The following PGM5 variants were observed in gnomAD, a reference collection of about 807,000 sequenced individuals.
The protein encoded by PGM5 is phosphoglucomutase-like protein 5.
Under a neutral mutation model 59.2 loss-of-function variants are expected in PGM5, and 23 were observed. That is an observed-to-expected ratio of 0.39 (90% CI 0.28 to 0.55). PGM5 has a LOEUF of 0.55. PGM5 is among the 20% of genes least tolerant of loss of function. The pLI, the probability that PGM5 is intolerant of heterozygous loss-of-function variation, is 0.66. For missense variants in PGM5, 574 were observed against 748.3 expected, an observed-to-expected ratio of 0.77 and a Z score of 2.72; for synonymous variants, 214 against 286.0, an observed-to-expected ratio of 0.75 and a Z score of 2.54.
At chr9:68,502,536 C>T (rs1286865740) in intron 10 of PGM5, among the ~76,000 whole-genome samples, 1 of 152,174 alleles carries the variant, frequency 6.6e-6, no homozygotes, top group African/African-American at 2.4e-5. Flanking sequence ...AGGAAAATCA[C>T]AGACTGATAA....
chr9:68,406,674 A>ATATG (rs200815664), intron 6 of PGM5, among the ~76,000 whole-genome samples: 1 of 5,464 alleles, frequency 1.8e-4, no homozygotes, highest in African/African-American at 8.2e-4. Flanking sequence ...ATATATATAT[A>ATATG]TATGTATATA....
intron 6 of PGM5, among the ~76,000 whole-genome samples, chr9:68,423,680 T>A (rs1823186470): frequency 6.7e-6 from 1 of 150,342 alleles, no homozygotes; most frequent in African/African-American, 2.4e-5. Flanking sequence ...TCTCTCTCTC[T>A]CTGCCTCCCT....
At chr9:68,386,399 T>A (rs1443447721) in intron 3 of PGM5, among the ~76,000 whole-genome samples, 1 of 152,184 alleles carries the variant, frequency 6.6e-6, no homozygotes, top group Non-Finnish European at 1.5e-5. Flanking sequence ...TATATTTGAA[T>A]GAACACATAA....
Position 68,499,355 on chromosome 9 carries a change from G to A in PGM5, c.1608G>A (p.Glu536=). ...GGGATCCCAGCGGCCATGACCAGGA[G>A]CCACAGGTACAGAAACAGCTGTGCT... ...YERDPSGHDQ[E]PQAVLSPLIA... The change falls in exon 10 of 11, where the codon GAG becomes GAA. Residue 536 remains glutamate, a synonymous_variant. Transcript: ENST00000396396. 1 of 1,614,050 alleles carries A rather than the reference G, an allele frequency of 6.2e-7. No homozygotes were observed. The highest frequency in any genetic ancestry group is 1.1e-5 in the South Asian group (1 of 91,076).
chr9:68,485,668 C>T (rs1022021772), intron 9 of PGM5, among the ~76,000 whole-genome samples: 4 of 152,218 alleles, frequency 2.6e-5, no homozygotes, highest in African/African-American at 4.8e-5. Context: ...TTTCCCCCAA[C>T]CTCTTCTACA....
intron 9 of PGM5, among the ~76,000 whole-genome samples, chr9:68,492,479 A>G (rs182841630): frequency 1.8e-3 from 275 of 152,324 alleles, no homozygotes; most frequent in Non-Finnish European, 3.2e-3. Context: ...TTAGCCCCCA[A>G]GAAGGCTGGT....
At chr9:68,438,853 A>G (rs1554683511) in intron 6 of PGM5, among the ~76,000 whole-genome samples, 1 of 152,010 alleles carries the variant, frequency 6.6e-6, no homozygotes. Context: ...GAGGAGGGAG[A>G]GATTCCTCAT....
intron 10 of PGM5, among the ~76,000 whole-genome samples, chr9:68,504,211 C>T (rs1350857422): frequency 6.6e-6 from 1 of 152,206 alleles, no homozygotes; most frequent in Non-Finnish European, 1.5e-5. Context: ...TAGACATCAC[C>T]AACTTGACAT....
intron 8 of PGM5, among the ~76,000 whole-genome samples, chr9:68,482,337 T>G (rs989032153): frequency 5.9e-5 from 9 of 152,144 alleles, no homozygotes; most frequent in Non-Finnish European, 1.3e-4. Context: ...ACCTTTAAAG[T>G]GACTGCAGTC....
chr9:68,361,942 T>C (rs1267532711), intron 1 of PGM5, among the ~76,000 whole-genome samples: 1 of 151,986 alleles, frequency 6.6e-6, no homozygotes, highest in Non-Finnish European at 1.5e-5. Flanking sequence ...CTCTGTTATA[T>C]TCCCCCTTGG....
chr9:68,372,884 C>G (rs189420056), intron 1 of PGM5, among the ~76,000 whole-genome samples: 3 of 152,232 alleles, frequency 2.0e-5, no homozygotes, highest in Admixed American at 6.5e-5. Context: ...CATGTAAACT[C>G]AGAGCGAGAA....
At chr9:68,477,224 T>C (rs1554686748) in intron 7 of PGM5, among the ~76,000 whole-genome samples, 3 of 152,222 alleles carry the variant, frequency 2.0e-5, no homozygotes, top group African/African-American at 7.2e-5. Flanking sequence ...AACAGTGCCA[T>C]TAGCAGACCG....
At chr9:68,427,202 T>C (rs561973948) in intron 6 of PGM5, among the ~76,000 whole-genome samples, 6 of 152,174 alleles carry the variant, frequency 3.9e-5, no homozygotes, top group African/African-American at 1.4e-4. Context: ...TGAGAAGGGG[T>C]CCAAGAGTGG....
chr9:68,484,341 C>T (rs1311681079), intron 9 of PGM5, among the ~76,000 whole-genome samples: 3 of 145,416 alleles, frequency 2.1e-5, no homozygotes, highest in Non-Finnish European at 3.0e-5. Context: ...TCAAAACCAG[C>T]GTGGGCAACA....
At chr9:68,489,960 C>T (rs560563509) in intron 9 of PGM5, among the ~76,000 whole-genome samples, 4 of 152,088 alleles carry the variant, frequency 2.6e-5, no homozygotes, top group Admixed American at 6.5e-5. Flanking sequence ...TTGTCCTTAA[C>T]CTGGAAAAAA....
At chr9:68,461,054 G>C (rs1388878784) in intron 6 of PGM5, among the ~76,000 whole-genome samples, 1 of 152,130 alleles carries the variant, frequency 6.6e-6, no homozygotes, top group African/African-American at 2.4e-5. Context: ...ATATCCCCAA[G>C]ATGTATAACC....
At chr9:68,451,455 A>C (rs1823695164) in intron 6 of PGM5, among the ~76,000 whole-genome samples, 1 of 152,236 alleles carries the variant, frequency 6.6e-6, no homozygotes, top group South Asian at 2.1e-4. Context: ...TTTCAAAAGC[A>C]AAATTATAAA....
At chr9:68,422,085 A>T (rs1234782275) in intron 6 of PGM5, among the ~76,000 whole-genome samples, 3 of 151,972 alleles carry the variant, frequency 2.0e-5, no homozygotes, top group African/African-American at 7.2e-5. Context: ...TAAATAAATA[A>T]TTTTTAAATG....
chr9:68,413,473 CCT>C (rs1356393303), intron 6 of PGM5, among the ~76,000 whole-genome samples: 1 of 152,200 alleles, frequency 6.6e-6, no homozygotes, highest in Non-Finnish European at 1.5e-5. Flanking sequence ...CTAAGGTATA[CCT>C]GCCTTTTCTG....
Sources: gnomAD v4.1 joint callset for allele counts (sites outside exome capture counted in the v4.1 genomes callset) on GRCh38, gnomAD v4.1.1 for gene constraint, MANE v1.5 for transcripts, NCBI Gene and HGNC (gene_info 2026-07-23, HGNC 2026-07-21) for gene names.